Variants in PALM2AKAP2 observed in about 807,000 individuals in gnomAD.
The protein encoded by PALM2AKAP2 is PALM2 and AKAP2 fusion.
PALM2AKAP2 carries 37 observed loss-of-function variants against 71.5 expected under a neutral mutation model. That is an observed-to-expected ratio of 0.52 (90% CI 0.40 to 0.68). The LOEUF is 0.68. Among genes scored for constraint, PALM2AKAP2 ranks in the 30% least tolerant of loss-of-function variants. The pLI is 0.00. For synonymous variants in PALM2AKAP2, 468 were observed against 478.8 expected (o/e 0.98, Z 0.29); for missense variants, 1,224 against 1,191.8 (o/e 1.03, Z -0.40).
intron 4 of PALM2AKAP2, 97 bp downstream of exon 4, chr9:109,923,946 T>G: frequency 8.1e-7 from 1 of 1,227,578 alleles, no homozygotes; most frequent in East Asian, 2.6e-5. Context: ...TGGGCATTGA[T>G]GAGAAATCTG....
chr9:110,034,692 C>CAG (rs1833349754), intron 7 of PALM2AKAP2, among the ~76,000 whole-genome samples: 1 of 147,558 alleles, frequency 6.8e-6, no homozygotes, highest in African/African-American at 2.5e-5. Context: ...GCAACCTCTG[C>CAG]TTCCCAGGCT....
In PALM2AKAP2 at chr9:110,061,354, G is replaced by A. The variant is rs377200492; in HGVS notation, c.156+12499G>A. Among the ~76,000 whole-genome samples the A allele has an allele frequency of 4.0e-4, 61 of 152,186 alleles. 2 individuals are homozygous for A. The South Asian group carries it at 0.013, about 32-fold the overall frequency. On this transcript the variant is annotated intron_variant, in intron 1 of 3. Transcript: ENST00000374525. ...ATAAAACCTTGAACCTTTAACATGG[G>A]CCCATTTTCATGCATGCATTGTGAT...
At chr9:110,158,696 T>C (rs1587874628) in intron 3 of PALM2AKAP2, among the ~76,000 whole-genome samples, 1 of 152,238 alleles carries the variant, frequency 6.6e-6, no homozygotes, top group East Asian at 1.9e-4. Context: ...TATTTTCCAG[T>C]AAATAAACAT....
At chr9:110,016,006 C>G in exon 7 of PALM2AKAP2, 1 of 1,614,028 alleles carries the variant, frequency 6.2e-7, no homozygotes, top group Non-Finnish European at 8.5e-7. Context: ...CCTCGAACGC[C>G]ACAGAAACAT....
intron 6 of PALM2AKAP2, chr9:109,942,606 TTTTTGTC>T (rs1831399523): frequency 6.8e-7 from 1 of 1,476,116 alleles, no homozygotes; most frequent in East Asian, 2.3e-5. Flanking sequence ...AAAACCTTTT[TTTTTGTC>T]TGTTTGGCAA....
chr9:109,867,395 T>C, intron 1 of PALM2AKAP2, 96 bp from the exon 2 acceptor site: 1 of 1,419,346 alleles, frequency 7.0e-7, no homozygotes. Flanking sequence ...GAAGTGTCTA[T>C]ACAGATGTGT....
chr9:109,832,730 C>T (rs1473075321), intron 1 of PALM2AKAP2, among the ~76,000 whole-genome samples: 1 of 152,156 alleles, frequency 6.6e-6, no homozygotes, highest in Non-Finnish European at 1.5e-5. Context: ...AGACCCAATT[C>T]CCTATATCCC....
At chr9:109,817,778 G>T (rs1250803525) in intron 1 of PALM2AKAP2, among the ~76,000 whole-genome samples, 3 of 152,190 alleles carry the variant, frequency 2.0e-5, no homozygotes, top group Admixed American at 2.0e-4. Flanking sequence ...CTTGGAAACA[G>T]GGCCCCTTTG....
At chr9:109,948,967 A>G (rs1446170205) in intron 6 of PALM2AKAP2, among the ~76,000 whole-genome samples, 1 of 152,194 alleles carries the variant, frequency 6.6e-6, no homozygotes, top group Non-Finnish European at 1.5e-5. Context: ...TTGGTAAAAA[A>G]AAACGCAGGT....
At chr9:110,130,323 T>C (rs1835705738) in intron 1 of PALM2AKAP2, among the ~76,000 whole-genome samples, 1 of 152,200 alleles carries the variant, frequency 6.6e-6, no homozygotes, top group African/African-American at 2.4e-5. Context: ...GGTAGGACTT[T>C]TATAGGTAGA....
At chr9:109,950,585 G>A (rs957488296) in intron 6 of PALM2AKAP2, among the ~76,000 whole-genome samples, 3 of 152,182 alleles carry the variant, frequency 2.0e-5, no homozygotes, top group East Asian at 1.9e-4. Flanking sequence ...CTCTTCCCAA[G>A]CATCATCCTT....
intron 3 of PALM2AKAP2, among the ~76,000 whole-genome samples, chr9:109,909,185 G>A (rs957570446): frequency 1.4e-4 from 21 of 151,784 alleles, no homozygotes; most frequent in East Asian, 9.6e-4. Context: ...CACACACCTG[G>A]GGTTAGATGA....
chr9:110,026,077 T>TTTTA (rs201382349), intron 7 of PALM2AKAP2, among the ~76,000 whole-genome samples: 37 of 151,314 alleles, frequency 2.4e-4, no homozygotes, highest in Admixed American at 1.6e-3. Flanking sequence ...TCTCTCACTC[T>TTTTA]TTTATTTATT....
intron 1 of PALM2AKAP2, among the ~76,000 whole-genome samples, chr9:109,644,496 A>C (rs1827119604): frequency 6.6e-6 from 1 of 152,228 alleles, no homozygotes; most frequent in African/African-American, 2.4e-5. Context: ...TCAACAAAAC[A>C]GTCATGATTC....
intron 1 of PALM2AKAP2, among the ~76,000 whole-genome samples, chr9:109,716,833 G>T (rs984580621): frequency 2.0e-5 from 3 of 152,182 alleles, no homozygotes; most frequent in Non-Finnish European, 2.9e-5. Flanking sequence ...GTTGGGTGAT[G>T]TGGTTAGGTT....
chr9:109,859,307 T>C (rs1829250751), intron 1 of PALM2AKAP2, among the ~76,000 whole-genome samples: 1 of 152,134 alleles, frequency 6.6e-6, no homozygotes, highest in Non-Finnish European at 1.5e-5. Flanking sequence ...GAGAGGTTGG[T>C]TAATGGGTAC....
intron 1 of PALM2AKAP2, among the ~76,000 whole-genome samples, chr9:110,081,589 C>A (rs372608792): frequency 6.6e-6 from 1 of 151,366 alleles, no homozygotes. Context: ...CACAGAGAAT[C>A]CCAGGGCTAA....
intron 1 of PALM2AKAP2, among the ~76,000 whole-genome samples, chr9:109,808,014 A>T (rs1167151456): frequency 6.6e-6 from 1 of 152,220 alleles, no homozygotes; most frequent in Non-Finnish European, 1.5e-5. Context: ...CCGCAGCCAT[A>T]TGGAACTGTG....
chr9:109,778,205 C>T (rs150752388), upstream of PALM2AKAP2, among the ~76,000 whole-genome samples: 1,591 of 152,296 alleles, frequency 0.01, 14 homozygotes, highest in African/African-American at 0.022. Flanking sequence ...ATTGTTTATT[C>T]CTGGGGCCTG....
Sources: gnomAD v4.1 joint callset for allele counts (sites outside exome capture counted in the v4.1 genomes callset) on GRCh38, gnomAD v4.1.1 for gene constraint, MANE v1.5 for transcripts, NCBI Gene and HGNC (gene_info 2026-07-23, HGNC 2026-07-21) for gene names.